Variants in CYB5RL observed in about 807,000 individuals in gnomAD.
CYB5RL encodes cytochrome b5 reductase like.
CYB5RL carries 38 observed loss-of-function variants against 37.5 expected under a neutral mutation model. That is an observed-to-expected ratio of 1.01 (90% CI 0.78 to 1.33). The LOEUF (loss-of-function observed/expected upper bound fraction) is 1.33. Ranked by LOEUF, CYB5RL falls within the 40% of genes most tolerant of loss-of-function variation. The pLI is 0.00. For synonymous variants in CYB5RL, 141 were observed against 151.9 expected (o/e 0.93, Z 0.53); for missense variants, 388 against 394.4 (o/e 0.98, Z 0.14).
At chr1:54,187,516 G>A in intron 5 of CYB5RL, 136 bp downstream of exon 5, 1 of 776,098 alleles carries the variant, frequency 1.3e-6, no homozygotes, top group South Asian at 1.8e-5. Flanking sequence ...CAGGACAAAG[G>A]ACTTACTTCC....
intron 5 of CYB5RL, chr1:54,185,009 G>A (rs1484699930): frequency 6.6e-6 from 1 of 152,214 alleles, no homozygotes; most frequent in East Asian, 1.9e-4. Flanking sequence ...CCATGTTGAG[G>A]ATGCAGGCAA....
At chr1:54,179,421 G>T in intron 6 of CYB5RL, 69 bp from the exon 7 acceptor site, 1 of 1,504,094 alleles carries the variant, frequency 6.6e-7, no homozygotes. Flanking sequence ...TCTACTATGG[G>T]ACTTTTCCTT....
chr1:54,179,933 CAA>C (rs1422571437), intron 6 of CYB5RL: 3 of 453,168 alleles, frequency 6.6e-6, no homozygotes, highest in African/African-American at 6.1e-5. Flanking sequence ...AGCACTGGCA[CAA>C]AAGAGTCACT....
At chr1:54,176,718 C>T (rs1037271992) in intron 7 of CYB5RL, among the ~76,000 whole-genome samples, 1 of 152,194 alleles carries the variant, frequency 6.6e-6, no homozygotes, top group Non-Finnish European at 1.5e-5. Flanking sequence ...CACTTAGGTT[C>T]AGCTCAGCCT....
rs1190782933 is a variant in CYB5RL at position 54,169,860 on chromosome 1, G to A, written c.*4759C>T. The A allele has an allele frequency of 1.3e-5, 2 of 152,116 alleles. No homozygotes were observed. Among genetic ancestry groups the A allele is most frequent in the Non-Finnish European group, 1.5e-5 (1 of 68,020 alleles). 9.4% of individuals were successfully genotyped at this position (152,116 alleles called of 1,614,324 possible). On this transcript the variant is annotated 3_prime_UTR_variant, in exon 8 of 8. Coordinates refer to ENST00000534324, the MANE Select transcript of CYB5RL (RefSeq NM_001031672.4). Reference sequence around the variant, plus strand: ...CCATTCCCTTCCACCTATCACCACAGGCCACCACTATCCTTGAAGCTGGTG... The same window carrying A: ...CCATTCCCTTCCACCTATCACCACAAGCCACCACTATCCTTGAAGCTGGTG...
Position 54,187,645 on chromosome 1 carries a change from A to G in CYB5RL, c.435+7T>C. The G allele has an allele frequency of 6.2e-7, 1 of 1,613,794 alleles. No homozygotes were observed. Among genetic ancestry groups the G allele is most frequent in the Non-Finnish European group, 8.5e-7 (1 of 1,179,708 alleles). ...GCATCTTGGAGCATCCTCAAGGGTC[A>G]ACTCACCTTAATTAACACTTCAAAG... On this transcript the variant is annotated splice_region_variant and intron_variant, in intron 5 of 7. Coordinates refer to ENST00000534324, the MANE Select transcript of CYB5RL (RefSeq NM_001031672.4).
intron 7 of CYB5RL, among the ~76,000 whole-genome samples, chr1:54,178,149 T>C (rs1230604733): frequency 6.6e-6 from 1 of 152,210 alleles, no homozygotes; most frequent in Non-Finnish European, 1.5e-5. Context: ...TGGACAGGCC[T>C]GCAGAACCCA....
intron 6 of CYB5RL, among the ~76,000 whole-genome samples, chr1:54,183,429 A>G (rs1444820861): frequency 6.6e-6 from 1 of 152,202 alleles, no homozygotes; most frequent in African/African-American, 2.4e-5. Context: ...CCAACTGATG[A>G]GAAATTACGA....
rs72908042 is a variant in CYB5RL, at chr1:54,172,459, G to C, written c.*2160C>G. ...CAAAGTGCTGGGATTACAGGCATGA[G>C]CCACCGTGTCCGGCAACACTCTTAA... On this transcript the variant is annotated 3_prime_UTR_variant, in exon 8 of 8. Coordinates refer to ENST00000534324, the MANE Select transcript of CYB5RL (RefSeq NM_001031672.4). 2,111 of 148,614 alleles carry C rather than the reference G, an allele frequency of 0.014. 51 individuals are homozygous for C. Among genetic ancestry groups the C allele is most frequent in the African/African-American group, 0.049 (1,990 of 40,530 alleles). 9.2% of individuals were successfully genotyped at this position (148,614 alleles called of 1,614,324 possible).
chr1:54,189,065 C>A (rs1356012991), intron 4 of CYB5RL, among the ~76,000 whole-genome samples: 2 of 152,122 alleles, frequency 1.3e-5, no homozygotes, highest in Non-Finnish European at 2.9e-5. Context: ...TGCCTGTAGT[C>A]CCAGTTACTT....
intron 5 of CYB5RL, 120 bp from the exon 6 acceptor site, chr1:54,184,385 T>A: frequency 1.2e-6 from 1 of 802,170 alleles, no homozygotes; most frequent in Non-Finnish European, 2.0e-6. Context: ...TTATCTCATT[T>A]AATCGTCCTC....
In CYB5RL at chr1:54,195,585, G is replaced by C. The variant is rs370362456; in HGVS notation, c.32C>G (p.Thr11Ser). Reference sequence around the variant, plus strand: ...CCGTAGCTGCATCCAGGCTTCCTCAGTGTCGTCGTCCTCTTCCCTCTCAGC... The same window carrying C: ...CCGTAGCTGCATCCAGGCTTCCTCACTGTCGTCGTCCTCTTCCCTCTCAGC... The part of the protein sequence containing the change: MMAEREEDDD[T>S]EEAWMQLRPT... Residue 11 changes from threonine to serine, a missense_variant, in exon 3 of 8, where the codon ACT (threonine) becomes AGT (serine). Coordinates refer to ENST00000534324, the MANE Select transcript of CYB5RL (RefSeq NM_001031672.4). 288 of 1,612,728 alleles carry C rather than the reference G, an allele frequency of 1.8e-4. No individual in the cohort carries two copies. The highest frequency in any genetic ancestry group is 2.3e-4 in the Non-Finnish European group (267 of 1,179,128).
chr1:54,185,440 A>C (rs970328996), intron 5 of CYB5RL: 1 of 152,366 alleles, frequency 6.6e-6, no homozygotes, highest in Admixed American at 6.5e-5. Context: ...TGGTAGGGTG[A>C]GGGTGAGGGC....
Position 54,170,889 on chromosome 1 carries a change from G to C in CYB5RL, c.*3730C>G. Reference sequence around the variant, plus strand: ...ATAAAATAGCATGTATATTGGTGAAGATTCTTGCTTCAAAGTAGAGGAAAC... The same window carrying C: ...ATAAAATAGCATGTATATTGGTGAACATTCTTGCTTCAAAGTAGAGGAAAC... On this transcript the variant is annotated 3_prime_UTR_variant, in exon 8 of 8. Coordinates refer to ENST00000534324, the MANE Select transcript of CYB5RL (RefSeq NM_001031672.4). 1 of 335,990 alleles carries C rather than the reference G, an allele frequency of 3.0e-6. No homozygotes were observed. Among genetic ancestry groups the C allele is most frequent in the South Asian group, 2.4e-5 (1 of 41,590 alleles). 20.8% of individuals were successfully genotyped at this position (335,990 alleles called of 1,614,324 possible). A position where few individuals can be genotyped will look rare whatever the true frequency, so the allele number is the denominator to read the frequency against.
At chr1:54,189,623 G>A (rs1364928176) in intron 4 of CYB5RL, among the ~76,000 whole-genome samples, 2 of 152,218 alleles carry the variant, frequency 1.3e-5, no homozygotes, top group African/African-American at 4.8e-5. Context: ...TGTTAGGGAT[G>A]TCACCGCAGG....
chr1:54,185,715 A>C (rs1421135219), intron 5 of CYB5RL: 1 of 152,136 alleles, frequency 6.6e-6, no homozygotes, highest in Non-Finnish European at 1.5e-5. Context: ...GCCCCTATCT[A>C]GGGGGAGGCA....
intron 3 of CYB5RL, among the ~76,000 whole-genome samples, chr1:54,194,505 T>C (rs749311421): frequency 6.6e-6 from 1 of 151,752 alleles, no homozygotes; most frequent in Non-Finnish European, 1.5e-5. Context: ...GAATGGGGAA[T>C]GGTTGGTCAA....
chr1:54,173,430 A>G lies in CYB5RL; in HGVS notation c.*1189T>C, dbSNP rs542363971. 2.6e-5 allele frequency: 4 copies of G among 152,308 alleles called. No individual in the cohort carries two copies. In the East Asian group the frequency reaches 7.7e-4, roughly 29 times the overall value. 9.4% of individuals were successfully genotyped at this position (152,308 alleles called of 1,614,324 possible). A position where few individuals can be genotyped will look rare whatever the true frequency, so the allele number is the denominator to read the frequency against. On this transcript the variant is annotated 3_prime_UTR_variant, in exon 8 of 8. Coordinates refer to ENST00000534324, the MANE Select transcript of CYB5RL (RefSeq NM_001031672.4). ...AAAATCACTGATGCAGAATTGGCAC[A>G]TGAGGTTGAAGCTAGGAGGCTTCTA...
chr1:54,178,818 T>C (rs933766466), intron 7 of CYB5RL, among the ~76,000 whole-genome samples: 16 of 152,146 alleles, frequency 1.1e-4, no homozygotes, highest in Non-Finnish European at 1.8e-4. Flanking sequence ...CCCCTGCCCA[T>C]GTAACTGATG....
Sources: gnomAD v4.1 joint callset for allele counts (sites outside exome capture counted in the v4.1 genomes callset) on GRCh38, gnomAD v4.1.1 for gene constraint, MANE v1.5 for transcripts, NCBI Gene and HGNC (gene_info 2026-07-23, HGNC 2026-07-21) for gene names.